The following CCNF variants were observed in gnomAD, a reference collection of about 807,000 sequenced individuals.
CCNF encodes the protein cyclin F.
In CCNF, 30 loss-of-function variants were observed where a neutral mutation model predicts 85.4. The observed-to-expected ratio is 0.35, with a 90% CI of 0.26 to 0.48. The LOEUF is 0.48. Ranked by LOEUF, CCNF falls within the 20% of genes least tolerant of loss-of-function variation. CCNF has a pLI of 0.99. For missense variants in CCNF, 919 were observed against 1,010.4 expected, an observed-to-expected ratio of 0.91 and a Z score of 1.23; for synonymous variants, 439 against 425.1, an observed-to-expected ratio of 1.03 and a Z score of -0.40.
rs1052576890 is a variant in CCNF, at chr16:2,452,156, C to T, written c.1488-1054C>T. On this transcript the variant is annotated intron_variant, in intron 13 of 16. Coordinates refer to ENST00000397066, the MANE Select transcript of CCNF (RefSeq NM_001761.3). This position sits in a 1 kb window ranked among gnomAD's most constrained non-coding sequence, Gnocchi z 4.1. ...TGTGGCAGCCGCCCCGCACATGTCC[C>T]GTGTACGTCACCCAGGGCCTCGCTG... is the stretch of plus-strand genomic sequence containing the variant. Among the ~76,000 whole-genome samples the T allele has an allele frequency of 2.0e-5, 3 of 152,218 alleles. No homozygotes were observed. The highest frequency in any genetic ancestry group is 6.5e-5 in the Admixed American group (1 of 15,282).
intron 10 of CCNF, among the ~76,000 whole-genome samples, chr16:2,448,447 C>T (rs1479511187): frequency 6.6e-6 from 1 of 152,162 alleles, no homozygotes. Context: ...TGCTCTGTCA[C>T]CCAGGTTGGA....
chr16:2,432,736 C>G (rs186251518), intron 2 of CCNF, among the ~76,000 whole-genome samples: 5 of 152,348 alleles, frequency 3.3e-5, no homozygotes, highest in Admixed American at 3.3e-4. Context: ...CTTCCCAGAT[C>G]ATTGTCCTCT....
At chr16:2,449,614 A>G in intron 12 of CCNF, 152 bp downstream of exon 12, 1 of 836,422 alleles carries the variant, frequency 1.2e-6, no homozygotes, top group Non-Finnish European at 1.8e-6. Flanking sequence ...GTGATGTCCC[A>G]GATTTCTGAC....
Position 2,435,119 on chromosome 16 carries a change from C to T in CCNF, c.279-687C>T, listed in dbSNP as rs532213171. 4.0e-5 allele frequency among the ~76,000 whole-genome samples: 6 copies of T among 151,796 alleles called. No homozygotes were observed. In the South Asian group the frequency reaches 1.0e-3, roughly 26 times the overall value. ...AGAAAAAATTAGACAGGCGTGGTGGCGGGCACCTGTGGTCCCAGCTACTCG... is the reference window on the plus strand; with the variant it reads ...AGAAAAAATTAGACAGGCGTGGTGGTGGGCACCTGTGGTCCCAGCTACTCG... On this transcript the variant is annotated intron_variant, in intron 3 of 16. Transcript: ENST00000397066.
intron 15 of CCNF, among the ~76,000 whole-genome samples, chr16:2,454,081 T>C (rs1359404349): frequency 6.6e-6 from 1 of 152,210 alleles, no homozygotes; most frequent in African/African-American, 2.4e-5. Context: ...CTCCCTGTGC[T>C]GCTGGCCCTG....
chr16:2,439,200 A>T (rs1567384695), intron 6 of CCNF, among the ~76,000 whole-genome samples, 153 bp from the exon 7 acceptor site: 2 of 152,230 alleles, frequency 1.3e-5, no homozygotes, highest in African/African-American at 4.8e-5. Flanking sequence ...CAGGAGGCTG[A>T]GGCAGGAGAA....
chr16:2,442,039 T>A (rs181441047), intron 8 of CCNF, among the ~76,000 whole-genome samples: 154 of 142,780 alleles, frequency 1.1e-3, no homozygotes, highest in Non-Finnish European at 1.8e-3. Flanking sequence ...GGAGTCTTGC[T>A]CTGTTGCCCA....
In CCNF at chr16:2,454,781, C is replaced by T. The variant is rs534074030; in HGVS notation, c.1716-614C>T. 5.9e-5 allele frequency among the ~76,000 whole-genome samples: 9 copies of T among 152,310 alleles called. No individual in the cohort carries two copies. The South Asian group carries it at 1.2e-3, about 21-fold the overall frequency. ...CCTTATTAATCAACACCAGAGGGGC[C>T]GGGTGCGGTTGCTCATGCCTGTAAT... On this transcript the variant is annotated intron_variant, in intron 15 of 16. Coordinates refer to ENST00000397066, the MANE Select transcript of CCNF (RefSeq NM_001761.3).
At chr16:2,439,709 G>A (rs1363085260) in intron 7 of CCNF, 40 bp from the exon 8 acceptor site, 1 of 1,564,068 alleles carries the variant, frequency 6.4e-7, no homozygotes, top group East Asian at 2.2e-5. Context: ...TTCCTCCCAA[G>A]ACACAGTTGT....
At position 2,438,101 on chromosome 16, in the gene CCNF, G is replaced by A. The variant is rs1328014197; in HGVS notation, c.572G>A (p.Gly191Asp). ...AAAGCATCCATATTGCACTGCTTGG[G>A]CAGAGTGCTGAGTCTGTTCGAGGTG... is the stretch of plus-strand genomic sequence containing the variant. The part of the protein sequence containing the change: ...THKASILHCL[G>D]RVLSLFEDEE... Residue 191 changes from glycine (G) to aspartate (D), a missense_variant, in exon 6 of 17, where the codon GGC (glycine) becomes GAC (aspartate). Coordinates refer to ENST00000397066, the MANE Select transcript of CCNF (RefSeq NM_001761.3). 6.2e-7 allele frequency: 1 copy of A among 1,611,786 alleles called. No homozygotes were observed. The highest frequency in any genetic ancestry group is 8.5e-7 in the Non-Finnish European group (1 of 1,177,912).
rs1299772392 is a variant in CCNF at position 2,437,136 on chromosome 16, G to A, written c.354G>A (p.Val118=). The change falls in exon 5 of 17, where the codon GTG becomes GTA. Residue 118 remains valine (V), a synonymous_variant. Coordinates refer to ENST00000397066, the MANE Select transcript of CCNF (RefSeq NM_001761.3). ...IAYLYNEGLS[V]SDEARAEVNG... ...TCCTGTCTGTCCCCGCAGTGTCTGTGTCTGATGAGGCCCGCGCAGAAGTGA... is the reference window on the plus strand; with the variant it reads ...TCCTGTCTGTCCCCGCAGTGTCTGTATCTGATGAGGCCCGCGCAGAAGTGA... The A allele has an allele frequency of 6.3e-7, 1 of 1,593,104 alleles. No individual in the cohort carries two copies. Among genetic ancestry groups the A allele is most frequent in the African/African-American group, 1.3e-5 (1 of 74,600 alleles).
At chr16:2,441,969 A>T (rs1332458102) in intron 8 of CCNF, among the ~76,000 whole-genome samples, 5 of 110,896 alleles carry the variant, frequency 4.5e-5, no homozygotes, top group African/African-American at 1.7e-4. Context: ...ATATATATAT[A>T]TATATATATA....
chr16:2,453,584 C>T lies in CCNF; in HGVS notation c.1715+47C>T, dbSNP rs546108240. On this transcript the variant is annotated intron_variant, in intron 15 of 16. Coordinates refer to ENST00000397066, the MANE Select transcript of CCNF (RefSeq NM_001761.3). The surrounding 1 kb of genome is among the most constrained non-coding windows in gnomAD (Gnocchi z 5.6). The stretch of plus-strand genomic sequence containing the variant: ...CTGCGCCATACAATGCTGGCATCCT[C>T]GTGCCGGCCCAGTTCCCTCAGCGCT... 119 of 1,609,900 alleles carry T rather than the reference C, an allele frequency of 7.4e-5. No individual in the cohort carries two copies. Among genetic ancestry groups the T allele is most frequent in the South Asian group, 4.9e-4 (45 of 90,970 alleles).
rs189803829 is a variant in CCNF, at chr16:2,453,589, C to T, written c.1715+52C>T. On this transcript the variant is annotated intron_variant, in intron 15 of 16. Transcript: ENST00000397066. The surrounding 1 kb of genome is among the most constrained non-coding windows in gnomAD (Gnocchi z 5.6). The stretch of plus-strand genomic sequence containing the variant: ...CCATACAATGCTGGCATCCTCGTGC[C>T]GGCCCAGTTCCCTCAGCGCTTCCTC... 282 of 1,608,588 alleles carry T rather than the reference C, an allele frequency of 1.8e-4. No individual in the cohort carries two copies. The highest frequency in any genetic ancestry group is 1.1e-3 in the East Asian group (49 of 44,822).
chr16:2,448,023 G>A (rs2065371703), intron 10 of CCNF, among the ~76,000 whole-genome samples: 1 of 152,256 alleles, frequency 6.6e-6, no homozygotes, highest in African/African-American at 2.4e-5. Context: ...GCCTTGCGGG[G>A]GGCCGCTGGA....
chr16:2,453,211 T>G lies in CCNF; in HGVS notation c.1489T>G (p.Phe497Val), dbSNP rs1596931216. Reference sequence around the variant, plus strand: ...CACTCCACGTGACTCTGTTTCCAGCTTCCATGATGACGCCCCCAAGGACTA... The same window carrying G: ...CACTCCACGTGACTCTGTTTCCAGCGTCCATGATGACGCCCCCAAGGACTA... ...PCVLSLHKKC[F>V]HDDAPKDYRQ... The change falls in exon 14 of 17, where the codon TTC (phenylalanine) becomes GTC (valine). Residue 497 changes from phenylalanine to valine, a missense_variant and splice_region_variant. Physicochemically the swap from Phe to Val is conservative, Grantham distance 50. This residue lies in a region of CCNF where 505 missense variants were observed against 514.8 expected (regional missense o/e 0.98). Transcript: ENST00000397066. This position sits in a 1 kb window ranked among gnomAD's most constrained non-coding sequence, Gnocchi z 5.6. 6.2e-7 allele frequency: 1 copy of G among 1,613,658 alleles called. No individual in the cohort carries two copies. The highest frequency in any genetic ancestry group is 2.2e-5 in the East Asian group (1 of 44,876).
intron 8 of CCNF, among the ~76,000 whole-genome samples, chr16:2,440,346 C>T (rs188626640): frequency 3.3e-5 from 5 of 152,284 alleles, no homozygotes; most frequent in Non-Finnish European, 7.4e-5. Flanking sequence ...GGGCCAGGTG[C>T]GGTGGCTCAC....
In CCNF at chr16:2,457,098, C is replaced by T. The variant is rs1418518575; in HGVS notation, c.*78C>T. 1.1e-5 allele frequency: 12 copies of T among 1,071,992 alleles called. No individual in the cohort carries two copies. Among genetic ancestry groups the T allele is most frequent in the African/African-American group, 3.2e-5 (2 of 62,540 alleles). 66.4% of individuals were successfully genotyped at this position (1,071,992 alleles called of 1,614,324 possible). The stretch of plus-strand genomic sequence containing the variant: ...AGGGTGGGAGCATAGCATAGGAACG[C>T]TGCATAGACCATGGAGGCCTTTGCG... On this transcript the variant is annotated 3_prime_UTR_variant, in exon 17 of 17. Transcript: ENST00000397066.
At chr16:2,449,074 T>C (rs777337900) in intron 11 of CCNF, 96 bp downstream of exon 11, 1 of 1,539,334 alleles carries the variant, frequency 6.5e-7, no homozygotes, top group East Asian at 2.3e-5. Context: ...GAGGGCCTCA[T>C]GGACTCAGAG....
Sources: gnomAD v4.1 joint callset for allele counts (sites outside exome capture counted in the v4.1 genomes callset) on GRCh38, gnomAD v4.1.1 for gene constraint, gnomAD v4.1.1 regional missense constraint, Gnocchi (gnomAD v3.1) non-coding constraint, MANE v1.5 for transcripts, NCBI Gene and HGNC (gene_info 2026-07-23, HGNC 2026-07-21) for gene names.